Variants in MYC observed in about 807,000 individuals in gnomAD.
MYC encodes the protein myc proto-oncogene protein.
MYC carries 1 observed loss-of-function variant against 30.5 expected under a neutral mutation model. That is an observed-to-expected ratio of 0.03 (90% confidence interval 0.01 to 0.16). MYC has a LOEUF of 0.16. Among genes scored for constraint, MYC ranks in the 10% least tolerant of loss-of-function variants. The pLI is 1.00. For missense variants in MYC, 508 were observed against 589.0 expected (o/e 0.86, Z 1.42); for synonymous variants, 267 against 250.7 (o/e 1.07, Z -0.62).
Position 127,738,944 on chromosome 8 carries a change from G to A in MYC, c.727G>A (p.Glu243Lys), listed in dbSNP as rs1434118612. Residue 243 changes from glutamate (E) to lysine (K), a missense_variant, in exon 2 of 3, where the codon GAG becomes AAG. Physicochemically the swap from Glu to Lys is moderately conservative, Grantham distance 56. Transcript: ENST00000621592. This position sits in a 1 kb window ranked among gnomAD's most constrained non-coding sequence, Gnocchi z 7.6. ...CTCGGATTCTCTGCTCTCCTCGACGGAGTCCTCCCCGCAGGGCAGCCCCGA... is the reference window on the plus strand; with the variant it reads ...CTCGGATTCTCTGCTCTCCTCGACGAAGTCCTCCCCGCAGGGCAGCCCCGA... The A allele has an allele frequency of 6.3e-7, 1 of 1,599,504 alleles. No individual in the cohort carries two copies. Among genetic ancestry groups the A allele is most frequent in the Non-Finnish European group, 8.5e-7 (1 of 1,177,526 alleles).
chr8:127,735,926 C>T (rs1207501732), upstream of MYC: 1 of 399,130 alleles, frequency 2.5e-6, no homozygotes, highest in Non-Finnish European at 4.4e-6. Flanking sequence ...GTCTCCTCCC[C>T]ACCTTCCCCA....
rs1478921898 is a variant in MYC, at chr8:127,738,620, G to A, written c.403G>A (p.Asp135Asn). 6.2e-7 allele frequency: 1 copy of A among 1,612,798 alleles called. No individual in the cohort carries two copies. Among genetic ancestry groups the A allele is most frequent in the African/African-American group, 1.3e-5 (1 of 74,898 alleles). The change falls in exon 2 of 3, where the codon GAC (aspartate) becomes AAC (asparagine). Residue 135 changes from aspartate to asparagine, a missense_variant. This residue lies in a region of MYC where 364 missense variants were observed against 381.1 expected (regional missense o/e 0.96). Transcript: ENST00000621592. This position sits in a 1 kb window ranked among gnomAD's most constrained non-coding sequence, Gnocchi z 7.6. ...GAACCAGAGTTTCATCTGCGACCCG[G>A]ACGACGAGACCTTCATCAAAAACAT...
In MYC at chr8:127,738,349, G is replaced by A. The variant is rs745993896; in HGVS notation, c.132G>A (p.Glu44=). The A allele has an allele frequency of 1.9e-6, 3 of 1,614,156 alleles. No homozygotes were observed. The highest frequency in any genetic ancestry group is 2.2e-5 in the East Asian group (1 of 44,874). Residue 44 remains glutamate (E), a synonymous_variant, in exon 2 of 3, where the codon GAG becomes GAA. Coordinates refer to ENST00000621592, the MANE Select transcript of MYC (RefSeq NM_002467.6). The surrounding 1 kb of genome is among the most constrained non-coding windows in gnomAD (Gnocchi z 7.6). ...CGTATTTCTACTGCGACGAGGAGGA[G>A]AACTTCTACCAGCAGCAGCAGCAGA... is the stretch of plus-strand genomic sequence containing the variant.
intron 1 of MYC, among the ~76,000 whole-genome samples, chr8:127,737,301 G>A (rs1026037751): frequency 1.1e-4 from 16 of 152,240 alleles, no homozygotes; most frequent in Admixed American, 2.6e-4. Context: ...GGAAAAGGGA[G>A]GCGAGGATGT....
intron 2 of MYC, among the ~76,000 whole-genome samples, chr8:127,739,759 A>C (rs117672626): frequency 1.4e-3 from 206 of 152,168 alleles, no homozygotes; most frequent in Non-Finnish European, 2.2e-3. Context: ...GTTCTTGGTA[A>C]AGTCCCTCAA....
In MYC at chr8:127,736,352, AGGGGGCTTCGCCTCT is replaced by A; in HGVS notation, c.-239_-225del. On this transcript the variant is annotated 5_prime_UTR_variant, in exon 1 of 3. Transcript: ENST00000621592. ...CTGGGAAGGGAGATCCGGAGCGAAT[AGGGGGCTTCGCCTCT>A]GGCCCAGCCCTCCCGCTGATCCCCC... 2 of 600,910 alleles carry A rather than the reference AGGGGGCTTCGCCTCT, an allele frequency of 3.3e-6. No homozygotes were observed. Among genetic ancestry groups the A allele is most frequent in the Non-Finnish European group, 5.9e-6 (2 of 338,506 alleles). The allele number at this position is 600,910 out of a possible 1,614,324, so 37.2% of individuals were successfully genotyped here. A position where few individuals can be genotyped will look rare whatever the true frequency, so the allele number is the denominator to read the frequency against.
chr8:127,740,300 C>T lies in MYC; in HGVS notation c.803-96C>T, dbSNP rs573053336. On this transcript the variant is annotated intron_variant, in intron 2 of 2. Coordinates refer to ENST00000621592, the MANE Select transcript of MYC (RefSeq NM_002467.6). ...TAATTTTGTCCAGAGACCTTTCTAACGTATTCATGCCTTGTATTTGTACAG... is the reference window on the plus strand; with the variant it reads ...TAATTTTGTCCAGAGACCTTTCTAATGTATTCATGCCTTGTATTTGTACAG... 1.8e-5 allele frequency: 23 copies of T among 1,275,116 alleles called. No individual in the cohort carries two copies. The East Asian group carries it at 3.0e-4, about 17-fold the overall frequency. 79.0% of individuals were successfully genotyped at this position (1,275,116 alleles called of 1,614,324 possible). A position where few individuals can be genotyped will look rare whatever the true frequency, so the allele number is the denominator to read the frequency against.
At chr8:127,735,927 AC>A, upstream of MYC, 1 of 395,504 alleles carries the variant, frequency 2.5e-6, no homozygotes, top group East Asian at 3.6e-5. Context: ...TCTCCTCCCC[AC>A]CTTCCCCACC....
At chr8:127,736,171 G>GA, upstream of MYC, 1 of 461,788 alleles carries the variant, frequency 2.2e-6, no homozygotes. Context: ...GGCTTGGCGG[G>GA]AAAAAGAACG....
intron 1 of MYC, among the ~76,000 whole-genome samples, chr8:127,737,677 G>A (rs4645955): frequency 0.043 from 6,474 of 151,348 alleles, 206 homozygotes; most frequent in East Asian, 0.14. Flanking sequence ...GGACGGGGGC[G>A]GTACTGGGGG....
intron 2 of MYC, 44 bp from the exon 3 acceptor site, chr8:127,740,352 A>T: frequency 6.4e-7 from 1 of 1,562,964 alleles, no homozygotes; most frequent in Non-Finnish European, 8.7e-7. Context: ...GATTATTTTA[A>T]TGTAACCTTG....
Position 127,741,031 on chromosome 8 carries a change from A to G in MYC, c.*73A>G. On this transcript the variant is annotated 3_prime_UTR_variant, in exon 3 of 3. Coordinates refer to ENST00000621592, the MANE Select transcript of MYC (RefSeq NM_002467.6). ...TCACCTATGAACTTGTTTCAAATGCATGATCAAATGCAACCTCACAACCTT... is the reference window on the plus strand; with the variant it reads ...TCACCTATGAACTTGTTTCAAATGCGTGATCAAATGCAACCTCACAACCTT... The G allele has an allele frequency of 3.7e-6, 5 of 1,354,050 alleles. No individual in the cohort carries two copies. The highest frequency in any genetic ancestry group is 5.2e-5 in the Admixed American group (2 of 38,826). 83.9% of individuals were successfully genotyped at this position (1,354,050 alleles called of 1,614,324 possible). A position where few individuals can be genotyped will look rare whatever the true frequency, so the allele number is the denominator to read the frequency against.
intron 2 of MYC, among the ~76,000 whole-genome samples, chr8:127,739,585 C>T (rs1251168297): frequency 6.7e-6 from 1 of 148,342 alleles, no homozygotes; most frequent in African/African-American, 2.6e-5. Flanking sequence ...AAAGCAAATC[C>T]TTGCCAAAGT....
chr8:127,736,272 C>T lies in MYC; in HGVS notation c.-322C>T. On this transcript the variant is annotated 5_prime_UTR_variant, in exon 1 of 3. Coordinates refer to ENST00000621592, the MANE Select transcript of MYC (RefSeq NM_002467.6). ...TCCAGCGAGAGGCAGAGGGAGCGAGCGGGCGGCCGGCTAGGGTGGAAGAGC... is the reference window on the plus strand; with the variant it reads ...TCCAGCGAGAGGCAGAGGGAGCGAGTGGGCGGCCGGCTAGGGTGGAAGAGC... 1.9e-6 allele frequency: 1 copy of T among 537,686 alleles called. No individual in the cohort carries two copies. The highest frequency in any genetic ancestry group is 3.3e-6 in the Non-Finnish European group (1 of 306,336). The allele number at this position is 537,686 out of a possible 1,614,324, so 33.3% of individuals were successfully genotyped here.
intron 2 of MYC, among the ~76,000 whole-genome samples, chr8:127,739,379 G>T (rs1386237487): frequency 6.6e-6 from 1 of 152,260 alleles, no homozygotes; most frequent in Non-Finnish European, 1.5e-5. Flanking sequence ...GATAAGAGAG[G>T]ATTGATCTCT....
upstream of MYC, chr8:127,735,862 G>A: frequency 2.5e-6 from 1 of 398,704 alleles, no homozygotes; most frequent in African/African-American, 2.1e-5. Flanking sequence ...TAATTCATGC[G>A]GCTCTCTTAC....
upstream of MYC, chr8:127,735,823 A>G (rs1477218309): frequency 5.0e-6 from 2 of 398,928 alleles, no homozygotes; most frequent in Non-Finnish European, 8.8e-6. Context: ...TTTGAGAGGG[A>G]GCAAAAGAAA....
In MYC at chr8:127,740,396, A is replaced by C. The variant is rs1813689460; in HGVS notation, c.803A>C (p.Glu268Ala). Residue 268 changes from glutamate to alanine, a missense_variant and splice_region_variant, in exon 3 of 3, where the codon GAG becomes GCG. Transcript: ENST00000621592. Reference sequence around the variant, plus strand: ...GTGATTTCTATTTCCTTTCTTAAAGAGGAGGAACAAGAAGATGAGGAAGAA... The same window carrying C: ...GTGATTTCTATTTCCTTTCTTAAAGCGGAGGAACAAGAAGATGAGGAAGAA... 6.2e-7 allele frequency: 1 copy of C among 1,611,956 alleles called. No homozygotes were observed. The highest frequency in any genetic ancestry group is 1.7e-5 in the Admixed American group (1 of 59,868).
Position 127,742,645 on chromosome 8 carries a change from C to A in MYC, c.*1687C>A, listed in dbSNP as rs998410064. On this transcript the variant is annotated 3_prime_UTR_variant, in exon 3 of 3. Coordinates refer to ENST00000621592, the MANE Select transcript of MYC (RefSeq NM_002467.6). ...GATCATAAAATAAAACATATTTATT[C>A]TTTGTCATGGGAGTCATTATTTTAG... 6.6e-6 allele frequency among the ~76,000 whole-genome samples: 1 copy of A among 152,120 alleles called. No individual in the cohort carries two copies. The highest frequency in any genetic ancestry group is 2.4e-5 in the African/African-American group (1 of 41,422).
Sources: allele counts gnomAD v4.1 joint callset (sites outside exome capture counted in the v4.1 genomes callset), GRCh38; gene constraint gnomAD v4.1.1; regional missense constraint gnomAD v4.1.1; non-coding constraint Gnocchi (gnomAD v3.1); transcripts MANE v1.5; gene names NCBI Gene and HGNC (gene_info 2026-07-23, HGNC 2026-07-21).